Variants in ODR4 observed in about 807,000 individuals in gnomAD.
The protein encoded by ODR4 is protein odr-4 homolog.
ODR4 carries 47 observed loss-of-function variants against 60.2 expected under a neutral mutation model. The ratio of observed to expected loss-of-function variants is 0.78; its 90% CI spans 0.62 to 1.00. The LOEUF (loss-of-function observed/expected upper bound fraction) is 1.00. ODR4 is among the 50% of genes least tolerant of loss of function. The pLI, the probability that ODR4 is intolerant of heterozygous loss-of-function variation, is 0.00. For missense variants in ODR4, 488 were observed against 530.8 expected, an observed-to-expected ratio of 0.92 and a Z score of 0.79; for synonymous variants, 178 against 175.5, an observed-to-expected ratio of 1.01 and a Z score of -0.11.
rs1660188919 is a variant in ODR4 at position 186,384,767 on chromosome 1, TA to T, written c.235-1218del. Among the ~76,000 whole-genome samples the T allele has an allele frequency of 3.3e-5, 5 of 152,280 alleles. No individual in the cohort carries two copies. In the South Asian group the frequency reaches 1.0e-3, roughly 32 times the overall value. ...GAAAAGATATGCAGGCTCCTTATGC[TA>T]AATATGAAAACTTTATTTGTCAGAA... is the stretch of plus-strand genomic sequence containing the variant. On this transcript the variant is annotated intron_variant, in intron 3 of 13. Coordinates refer to ENST00000287859, the MANE Select transcript of ODR4 (RefSeq NM_017847.6).
At chr1:186,384,529 T>G (rs940138922) in intron 3 of ODR4, among the ~76,000 whole-genome samples, 1 of 151,392 alleles carries the variant, frequency 6.6e-6, no homozygotes, top group Non-Finnish European at 1.5e-5. Flanking sequence ...GTAAATAACT[T>G]TCTACTCTAA....
chr1:186,398,536 A>T (rs1370411310), intron 10 of ODR4, 95 bp downstream of exon 10: 2 of 1,265,126 alleles, frequency 1.6e-6, no homozygotes, highest in African/African-American at 1.5e-5. Flanking sequence ...TGTAATTATT[A>T]ATTCGATTTT....
intron 12 of ODR4, among the ~76,000 whole-genome samples, chr1:186,406,781 T>G (rs1571692958): frequency 6.6e-6 from 1 of 152,182 alleles, no homozygotes; most frequent in Non-Finnish European, 1.5e-5. Flanking sequence ...ATAGATTTGC[T>G]TTACTATCCA....
intron 12 of ODR4, among the ~76,000 whole-genome samples, chr1:186,415,481 A>G (rs538322185): frequency 2.3e-4 from 35 of 152,304 alleles, no homozygotes; most frequent in African/African-American, 7.9e-4. Flanking sequence ...GTGAGGGTAA[A>G]TAAACAGATA....
the ODR4 span, among the ~76,000 whole-genome samples, chr1:186,432,348 C>G: frequency 6.6e-6 from 1 of 152,240 alleles, no homozygotes. Flanking sequence ...TTTCCCTTCT[C>G]ATACTGCCCT....
downstream of ODR4, among the ~76,000 whole-genome samples, chr1:186,421,861 CAAAAAA>C (rs781496268): frequency 3.4e-5 from 1 of 29,302 alleles, no homozygotes; most frequent in South Asian, 1.0e-3. Flanking sequence ...GACTCTATCT[CAAAAAA>C]AAAAAAAAAA....
chr1:186,422,151 A>T (rs11799597), downstream of ODR4, among the ~76,000 whole-genome samples: 19,197 of 151,836 alleles, frequency 0.13, 1,590 homozygotes, highest in East Asian at 0.39. Context: ...TAAAAAAAAA[A>T]TTTTTTTTAA....
intron 4 of ODR4, among the ~76,000 whole-genome samples, chr1:186,388,005 C>T (rs539850290): frequency 6.6e-6 from 1 of 152,250 alleles, no homozygotes; most frequent in South Asian, 2.1e-4. Context: ...AATCACTTAT[C>T]ATTTCTCATT....
intron 12 of ODR4, among the ~76,000 whole-genome samples, chr1:186,409,095 C>T (rs947430578): frequency 1.3e-5 from 2 of 151,630 alleles, no homozygotes; most frequent in Admixed American, 1.3e-4. Flanking sequence ...GAAACCCTGT[C>T]TCTACAATAA....
chr1:186,399,990 CTTT>C (rs948511178), intron 11 of ODR4, among the ~76,000 whole-genome samples: 1 of 112,044 alleles, frequency 8.9e-6, no homozygotes. Flanking sequence ...TTTTTTTTTT[CTTT>C]TTTTTTTTTT....
At chr1:186,389,491 T>C in intron 5 of ODR4, 97 bp from the exon 6 acceptor site, 3 of 897,874 alleles carry the variant, frequency 3.3e-6, no homozygotes, top group Non-Finnish European at 5.2e-6. Context: ...TAAGAACTTT[T>C]GGATGCGTGC....
chr1:186,384,796 G>A (rs1660190248), intron 3 of ODR4, among the ~76,000 whole-genome samples: 1 of 152,084 alleles, frequency 6.6e-6, no homozygotes, highest in South Asian at 2.1e-4. Flanking sequence ...TGTCAGAATT[G>A]TGCTACTATA....
At chr1:186,422,777 T>C (rs1209450882), downstream of ODR4, among the ~76,000 whole-genome samples, 2 of 152,058 alleles carry the variant, frequency 1.3e-5, no homozygotes, top group African/African-American at 4.8e-5. Context: ...AAAGACTAAA[T>C]GTGCAACTTA....
intron 2 of ODR4, among the ~76,000 whole-genome samples, chr1:186,381,991 C>T (rs1211456541): frequency 6.6e-6 from 1 of 152,104 alleles, no homozygotes; most frequent in Non-Finnish European, 1.5e-5. Flanking sequence ...CTTGCATTAG[C>T]AGTGTTATTT....
intron 4 of ODR4, among the ~76,000 whole-genome samples, chr1:186,387,876 A>G (rs1252197425): frequency 6.6e-6 from 1 of 152,142 alleles, no homozygotes; most frequent in Admixed American, 6.5e-5. Flanking sequence ...TCACTATTCT[A>G]CTTTAACTTT....
rs186000581 is a variant in ODR4, at chr1:186,377,501, T to C, written c.-20+1527T>C. ...AGGTGACACCCTAGAAGAAATAAGGTTAAAAGGTTAAATATAACTTTAGAA... is the reference window on the plus strand; with the variant it reads ...AGGTGACACCCTAGAAGAAATAAGGCTAAAAGGTTAAATATAACTTTAGAA... On this transcript the variant is annotated intron_variant, in intron 1 of 13. Transcript: ENST00000287859. Among the ~76,000 whole-genome samples the C allele has an allele frequency of 1.6e-3, 251 of 152,300 alleles. 1 individual carries two copies. Among genetic ancestry groups the C allele is most frequent in the Non-Finnish European group, 2.8e-3 (193 of 68,028 alleles).
chr1:186,402,095 T>C (rs956122245), intron 11 of ODR4, among the ~76,000 whole-genome samples: 2 of 152,032 alleles, frequency 1.3e-5, no homozygotes, highest in Non-Finnish European at 2.9e-5. Flanking sequence ...CTTTTTCTTC[T>C]TCCTTTCTTT....
intron 11 of ODR4, among the ~76,000 whole-genome samples, chr1:186,401,624 A>G (rs962453174): frequency 1.4e-5 from 2 of 138,454 alleles, no homozygotes; most frequent in Non-Finnish European, 3.1e-5. Context: ...CTATGATCAC[A>G]TAGTTTTTGA....
chr1:186,431,244 A>G, the ODR4 span, among the ~76,000 whole-genome samples: 1 of 152,178 alleles, frequency 6.6e-6, no homozygotes, highest in Non-Finnish European at 1.5e-5. Context: ...CCAAGAGTGA[A>G]GGATGATGAA....
Sources: allele counts gnomAD v4.1 joint callset (sites outside exome capture counted in the v4.1 genomes callset), GRCh38; gene constraint gnomAD v4.1.1; transcripts MANE v1.5; gene names NCBI Gene and HGNC (gene_info 2026-07-23, HGNC 2026-07-21).